Variants in BRINP1 observed in about 807,000 individuals in gnomAD.
The protein encoded by BRINP1 is BMP/retinoic acid-inducible neural-specific protein 1.
In BRINP1, 17 loss-of-function variants were observed where a neutral mutation model predicts 72.9. The observed-to-expected ratio is 0.23, with a 90% CI of 0.16 to 0.35. BRINP1 has a LOEUF of 0.35. Ranked by LOEUF, BRINP1 falls within the 10% of genes least tolerant of loss-of-function variation. The probability of loss-of-function intolerance (pLI) is 1.00; values close to 1 mark genes in which losing one functional copy is unlikely to be tolerated. For synonymous variants in BRINP1, 418 were observed against 378.5 expected, an observed-to-expected ratio of 1.10 and a Z score of -1.21; for missense variants, 850 against 1,001.6, an observed-to-expected ratio of 0.85 and a Z score of 2.04.
intron 2 of BRINP1, among the ~76,000 whole-genome samples, chr9:119,307,805 G>A (rs1587955421): frequency 6.6e-6 from 1 of 152,150 alleles, no homozygotes; most frequent in Non-Finnish European, 1.5e-5. Context: ...CTGTTACATA[G>A]TCTAATATTA....
At position 119,369,091 on chromosome 9, in the gene BRINP1, G is replaced by A. The variant is rs1329876162; in HGVS notation, c.-86C>T. ...TGTCCGTCTTTGGCGGAGAGCTGCG[G>A]GAGGACGCTTTTTATTCGGCTCGGT... On this transcript the variant is annotated 5_prime_UTR_variant, in exon 1 of 8. Transcript: ENST00000265922. The A allele has an allele frequency of 2.5e-6, 1 of 397,382 alleles. No homozygotes were observed. The highest frequency in any genetic ancestry group is 4.4e-6 in the Non-Finnish European group (1 of 225,366). The allele number at this position is 397,382 out of a possible 1,614,324, so 24.6% of individuals were successfully genotyped here. A position where few individuals can be genotyped will look rare whatever the true frequency, so the allele number is the denominator to read the frequency against.
chr9:119,356,816 A>C (rs1266911098), intron 1 of BRINP1, among the ~76,000 whole-genome samples: 7 of 152,004 alleles, frequency 4.6e-5, no homozygotes, highest in African/African-American at 1.7e-4. Flanking sequence ...AAAAAAAAAA[A>C]AACAAAAGTT....
chr9:119,288,124 G>A (rs1830785222), intron 2 of BRINP1, among the ~76,000 whole-genome samples: 1 of 152,192 alleles, frequency 6.6e-6, no homozygotes, highest in Non-Finnish European at 1.5e-5. Context: ...TGGGTAGGAG[G>A]CTGTTAAATG....
chr9:119,234,896 A>C lies in BRINP1; in HGVS notation c.685+3759T>G, dbSNP rs1184507090. On this transcript the variant is annotated intron_variant, in intron 5 of 7. Transcript: ENST00000265922. ...CATGTCTTATTTTATTATGACTATT[A>C]GGTTATATATTATCTTGAGTCATAG... Among the ~76,000 whole-genome samples the C allele has an allele frequency of 2.0e-5, 3 of 152,136 alleles. No homozygotes were observed. The East Asian group carries it at 5.8e-4, about 29-fold the overall frequency.
chr9:119,275,639 C>T (rs759107933), intron 2 of BRINP1, among the ~76,000 whole-genome samples: 1 of 152,188 alleles, frequency 6.6e-6, no homozygotes, highest in Non-Finnish European at 1.5e-5. Flanking sequence ...TCCATCCATA[C>T]TATAAGCTCT....
At chr9:119,298,263 A>C (rs1162699970) in intron 2 of BRINP1, among the ~76,000 whole-genome samples, 1 of 152,200 alleles carries the variant, frequency 6.6e-6, no homozygotes, top group Non-Finnish European at 1.5e-5. Context: ...GCCCATATTT[A>C]CATGACAGTG....
chr9:119,264,789 C>A (rs907485039), intron 2 of BRINP1, among the ~76,000 whole-genome samples: 14 of 152,172 alleles, frequency 9.2e-5, no homozygotes, highest in Non-Finnish European at 4.4e-5. Context: ...TCTGCCTCAG[C>A]CTCCTGAGTA....
chr9:119,180,159 G>A (rs189746496), intron 7 of BRINP1, among the ~76,000 whole-genome samples: 1 of 152,290 alleles, frequency 6.6e-6, no homozygotes, highest in African/African-American at 2.4e-5. Flanking sequence ...GTGCCAAGGA[G>A]AGAGGAAGAA....
At chr9:119,309,003 A>G (rs1831032313) in intron 2 of BRINP1, among the ~76,000 whole-genome samples, 1 of 152,162 alleles carries the variant, frequency 6.6e-6, no homozygotes, top group African/African-American at 2.4e-5. Flanking sequence ...AAAACACAAA[A>G]AGGTATTGGA....
At chr9:119,193,293 T>TTA (rs1405746338) in intron 7 of BRINP1, among the ~76,000 whole-genome samples, 1 of 152,106 alleles carries the variant, frequency 6.6e-6, no homozygotes, top group African/African-American at 2.4e-5. Context: ...CTACAAAACA[T>TTA]TATTGTAAGT....
intron 1 of BRINP1, among the ~76,000 whole-genome samples, chr9:119,325,142 A>G (rs1475480116): frequency 6.6e-6 from 1 of 152,020 alleles, no homozygotes; most frequent in Non-Finnish European, 1.5e-5. Context: ...GAAAGAGAGA[A>G]AGAGAGAAAG....
At chr9:119,197,273 A>T (rs1013479008) in intron 7 of BRINP1, among the ~76,000 whole-genome samples, 2 of 152,172 alleles carry the variant, frequency 1.3e-5, no homozygotes, top group Non-Finnish European at 2.9e-5. Flanking sequence ...GACAGAGGAA[A>T]GTATTTTTTC....
At chr9:119,219,894 C>A (rs1830022303) in intron 5 of BRINP1, among the ~76,000 whole-genome samples, 1 of 152,056 alleles carries the variant, frequency 6.6e-6, no homozygotes, top group Admixed American at 6.5e-5. Flanking sequence ...GATGAGGGAT[C>A]CACAGAAAGA....
intron 5 of BRINP1, among the ~76,000 whole-genome samples, chr9:119,231,019 T>G (rs1830144535): frequency 6.6e-6 from 1 of 152,082 alleles, no homozygotes; most frequent in South Asian, 2.1e-4. Flanking sequence ...CCTTATGACA[T>G]TGAATCTACA....
chr9:119,325,860 C>G (rs1334036228), intron 1 of BRINP1, among the ~76,000 whole-genome samples: 1 of 152,194 alleles, frequency 6.6e-6, no homozygotes, highest in Non-Finnish European at 1.5e-5. Flanking sequence ...CTCAACTCAT[C>G]TTGTTCTCCA....
chr9:119,329,574 ACAC>A (rs1328492790), intron 1 of BRINP1, among the ~76,000 whole-genome samples: 1 of 152,300 alleles, frequency 6.6e-6, no homozygotes, highest in African/African-American at 2.4e-5. Flanking sequence ...GGTTCTCCTC[ACAC>A]CATCCTTGCA....
rs576027279 is a variant in BRINP1 at position 119,207,078 on chromosome 9, AAGAG to A, written c.1145+1637_1145+1640del. On this transcript the variant is annotated intron_variant, in intron 7 of 7. Transcript: ENST00000265922. ...AAGGAGGAGGTTTCATAAGGGGGGA[AAGAG>A]AGAGAAATATGCTAAGGAAAGGATT... Among the ~76,000 whole-genome samples, 3 of 152,218 alleles carry A rather than the reference AAGAG, an allele frequency of 2.0e-5. No individual in the cohort carries two copies. In the East Asian group the frequency reaches 5.8e-4, roughly 29 times the overall value.
chr9:119,169,363 G>T (rs147039162), intron 7 of BRINP1, among the ~76,000 whole-genome samples: 12,148 of 152,186 alleles, frequency 0.08, 1,471 homozygotes, highest in African/African-American at 0.27. Context: ...AAAGAAAGGG[G>T]TGACTGACGG....
chr9:119,255,195 A>G (rs1830433802), intron 2 of BRINP1, among the ~76,000 whole-genome samples: 1 of 152,266 alleles, frequency 6.6e-6, no homozygotes, highest in Non-Finnish European at 1.5e-5. Flanking sequence ...GGAATTGAGC[A>G]CAACATAAAA....
Sources: allele counts gnomAD v4.1 joint callset (sites outside exome capture counted in the v4.1 genomes callset), GRCh38; gene constraint gnomAD v4.1.1; transcripts MANE v1.5; gene names NCBI Gene and HGNC (gene_info 2026-07-23, HGNC 2026-07-21).